RBFOX1: variants seen among roughly 807,000 people sequenced by gnomAD.
The protein encoded by RBFOX1 is RNA binding fox-1 homolog 1.
Under a neutral mutation model 57.7 loss-of-function variants are expected in RBFOX1, and 8 were observed. The ratio of observed to expected loss-of-function variants is 0.14; its 90% CI spans 0.08 to 0.25. RBFOX1 has a LOEUF of 0.25. Ranked by LOEUF, RBFOX1 falls within the 10% of genes least tolerant of loss-of-function variation. The pLI, the probability that RBFOX1 is intolerant of heterozygous loss-of-function variation, is 1.00. For missense variants in RBFOX1, 611 were observed against 548.5 expected (o/e 1.11, Z -1.14); for synonymous variants, 326 against 222.4 (o/e 1.47, Z -4.15).
intron 1 of RBFOX1, among the ~76,000 whole-genome samples, chr16:6,169,248 T>C (rs1019464747): frequency 6.7e-6 from 1 of 150,374 alleles, no homozygotes; most frequent in East Asian, 2.0e-4. Context: ...ACTCGGCAAA[T>C]GTGGAAGTTA....
chr16:6,826,378 C>T (rs566723261), intron 3 of RBFOX1, among the ~76,000 whole-genome samples: 2 of 152,108 alleles, frequency 1.3e-5, no homozygotes, highest in Non-Finnish European at 1.5e-5. Context: ...GTGCTTAGAA[C>T]ACTGCCTGGT....
intron 3 of RBFOX1, among the ~76,000 whole-genome samples, chr16:6,893,088 A>G (rs975861566): frequency 1.3e-5 from 2 of 152,066 alleles, no homozygotes; most frequent in Admixed American, 6.6e-5. Flanking sequence ...TGCCCACCTC[A>G]CCTGACCCTC....
intron 4 of RBFOX1, among the ~76,000 whole-genome samples, chr16:5,925,440 T>C (rs1033201294): frequency 6.6e-6 from 1 of 152,158 alleles, no homozygotes; most frequent in Non-Finnish European, 1.5e-5. Flanking sequence ...TTTATAAAAG[T>C]GTCCAGAACA....
chr16:5,248,573 C>G (rs1237735593), intron 1 of RBFOX1, among the ~76,000 whole-genome samples: 1 of 152,210 alleles, frequency 6.6e-6, no homozygotes, highest in Non-Finnish European at 1.5e-5. Flanking sequence ...AGGATCAGAG[C>G]CCCGGGGCAG....
At chr16:5,825,760 A>G (rs868323827) in intron 3 of RBFOX1, among the ~76,000 whole-genome samples, 33 of 147,834 alleles carry the variant, frequency 2.2e-4, no homozygotes, top group South Asian at 2.1e-4. Context: ...AATATGAATA[A>G]GGAATAATAT....
intron 3 of RBFOX1, among the ~76,000 whole-genome samples, chr16:6,964,010 A>G (rs1280770019): frequency 7.1e-6 from 1 of 141,298 alleles, no homozygotes; most frequent in African/African-American, 2.7e-5. Flanking sequence ...GGATTTATTT[A>G]TTTACCTATT....
intron 4 of RBFOX1, among the ~76,000 whole-genome samples, chr16:7,378,856 T>C (rs756831777): frequency 6.6e-6 from 1 of 151,740 alleles, no homozygotes; most frequent in African/African-American, 2.4e-5. Flanking sequence ...TCCAAAGAGG[T>C]GGGGTAGTGT....
chr16:7,398,774 G>C (rs1334023684), intron 4 of RBFOX1, among the ~76,000 whole-genome samples: 1 of 152,208 alleles, frequency 6.6e-6, no homozygotes, highest in Non-Finnish European at 1.5e-5. Flanking sequence ...ATGTGGCTGG[G>C]GGCCAGCTAT....
rs373265267 is a variant in RBFOX1 at position 7,059,560 on chromosome 16, A to T, written c.27+7462A>T. Reference sequence around the variant, plus strand: ...GACAACCATTGGCAAAAAATGTTCAATGTGAAACTGATGAATATGAGAAAC... The same window carrying T: ...GACAACCATTGGCAAAAAATGTTCATTGTGAAACTGATGAATATGAGAAAC... On this transcript the variant is annotated intron_variant, in intron 4 of 15. Coordinates refer to ENST00000550418, the MANE Select transcript of RBFOX1 (RefSeq NM_018723.4). 5.3e-5 allele frequency among the ~76,000 whole-genome samples: 8 copies of T among 152,312 alleles called. No individual in the cohort carries two copies. In the East Asian group the frequency reaches 7.7e-4, roughly 15 times the overall value.
chr16:5,517,644 C>G (rs2043841378), intron 2 of RBFOX1, among the ~76,000 whole-genome samples: 1 of 152,144 alleles, frequency 6.6e-6, no homozygotes, highest in African/African-American at 2.4e-5. Context: ...TGTTTGGCAT[C>G]TCAAATAGAT....
chr16:7,418,988 T>C (rs1270975415), intron 4 of RBFOX1, among the ~76,000 whole-genome samples: 1 of 152,136 alleles, frequency 6.6e-6, no homozygotes, highest in African/African-American at 2.4e-5. Context: ...CACTGCACCC[T>C]TGACCTCCCG....
intron 10 of RBFOX1, among the ~76,000 whole-genome samples, chr16:7,629,632 T>C (rs956196994): frequency 1.3e-5 from 2 of 152,218 alleles, no homozygotes; most frequent in African/African-American, 4.8e-5. Flanking sequence ...AGTGGGAAAG[T>C]AGCACTGATA....
chr16:5,358,356 C>T (rs977937332), intron 1 of RBFOX1, among the ~76,000 whole-genome samples: 18 of 146,764 alleles, frequency 1.2e-4, no homozygotes, highest in African/African-American at 4.9e-4. Flanking sequence ...ATAAATCACA[C>T]TCTGAGGTAT....
intron 2 of RBFOX1, among the ~76,000 whole-genome samples, chr16:6,488,698 C>T (rs917647): frequency 0.23 from 35,562 of 152,004 alleles, 4,811 homozygotes; most frequent in Non-Finnish European, 0.3. Flanking sequence ...AGATACACTA[C>T]GTTAGGGTTT....
intron 1 of RBFOX1, among the ~76,000 whole-genome samples, chr16:5,334,013 G>A (rs796597446): frequency 5.9e-5 from 9 of 152,320 alleles, no homozygotes; most frequent in African/African-American, 1.7e-4. Flanking sequence ...TCAAAGATGG[G>A]TTTATTTTGG....
At chr16:5,930,905 G>A (rs1376374069) in intron 4 of RBFOX1, among the ~76,000 whole-genome samples, 3 of 142,530 alleles carry the variant, frequency 2.1e-5, no homozygotes, top group East Asian at 4.4e-4. Context: ...TGGATGCATG[G>A]ATGGGTGCAT....
intron 3 of RBFOX1, among the ~76,000 whole-genome samples, chr16:6,884,216 C>T (rs1404529932): frequency 2.6e-5 from 4 of 152,200 alleles, no homozygotes; most frequent in East Asian, 1.9e-4. Flanking sequence ...GTGCAGTCAG[C>T]CATGCTGCAG....
intron 4 of RBFOX1, among the ~76,000 whole-genome samples, chr16:7,112,931 C>A (rs1483246359): frequency 6.6e-6 from 1 of 152,072 alleles, no homozygotes; most frequent in Non-Finnish European, 1.5e-5. Context: ...AGAATGAAAT[C>A]AGAAAGCATA....
intron 2 of RBFOX1, among the ~76,000 whole-genome samples, chr16:6,396,063 CT>C (rs2092818327): frequency 1.8e-5 from 1 of 55,912 alleles, no homozygotes. Flanking sequence ...AAGACTCCTT[CT>C]CAAAAAAAAA....
Sources: allele counts gnomAD v4.1 joint callset (sites outside exome capture counted in the v4.1 genomes callset), GRCh38; gene constraint gnomAD v4.1.1; transcripts MANE v1.5; gene names NCBI Gene and HGNC (gene_info 2026-07-23, HGNC 2026-07-21).